The following CAPZB variants were observed in gnomAD, a reference collection of about 807,000 sequenced individuals.
The protein encoded by CAPZB is capping actin protein of muscle Z-line subunit beta.
In CAPZB, 2 loss-of-function variants were observed where a neutral mutation model predicts 38.1. That is an observed-to-expected ratio of 0.05 (90% CI 0.02 to 0.17). The LOEUF (loss-of-function observed/expected upper bound fraction) is 0.17. Ranked by LOEUF, CAPZB falls within the 10% of genes least tolerant of loss-of-function variation. CAPZB has a pLI of 1.00. For synonymous variants in CAPZB, 107 were observed against 127.4 expected, an observed-to-expected ratio of 0.84 and a Z score of 1.08; for missense variants, 161 against 334.2, an observed-to-expected ratio of 0.48 and a Z score of 4.04.
rs145348496 is a variant in CAPZB at position 19,414,411 on chromosome 1, C to T, written c.93+5250G>A. On this transcript the variant is annotated intron_variant, in intron 2 of 8. Transcript: ENST00000264202. The stretch of plus-strand genomic sequence containing the variant: ...CCGGTAAAAAATCAGGATGTCTCTT[C>T]CACCTTTACCTCACTGGCCTGGATA... 3.3e-5 allele frequency among the ~76,000 whole-genome samples: 5 copies of T among 152,312 alleles called. No homozygotes were observed. In the East Asian group the frequency reaches 9.6e-4, roughly 29 times the overall value.
At position 19,485,462 on chromosome 1, in the gene CAPZB, C is replaced by G. The variant is rs1206713885; in HGVS notation, c.-24G>C. 6.5e-6 allele frequency: 8 copies of G among 1,230,192 alleles called. No homozygotes were observed. Among genetic ancestry groups the G allele is most frequent in the East Asian group, 3.2e-5 (1 of 31,562 alleles). 76.2% of individuals were successfully genotyped at this position (1,230,192 alleles called of 1,614,324 possible). Reference sequence around the variant, plus strand: ...ATGGTGGCGGCGGCGGCGGCGGTCCCGGTCCCGGCGTCAGTGGCTCTCCCC... The same window carrying G: ...ATGGTGGCGGCGGCGGCGGCGGTCCGGGTCCCGGCGTCAGTGGCTCTCCCC... On this transcript the variant is annotated 5_prime_UTR_variant, in exon 1 of 9. Transcript: ENST00000264202.
chr1:19,377,976 C>T (rs1335228676), intron 4 of CAPZB, among the ~76,000 whole-genome samples: 1 of 152,236 alleles, frequency 6.6e-6, no homozygotes, highest in Non-Finnish European at 1.5e-5. Flanking sequence ...CTGAGAGCAG[C>T]TGGAGGCAGA....
intron 4 of CAPZB, among the ~76,000 whole-genome samples, chr1:19,369,780 C>T (rs1369497888): frequency 6.6e-6 from 1 of 152,232 alleles, no homozygotes; most frequent in South Asian, 2.1e-4. Flanking sequence ...CCCAACCAAA[C>T]CGTCCCTGCA....
rs908441773 is a variant in CAPZB, at chr1:19,449,248, T to G, written c.4-29498A>C. ...CCAGGACAACAGGAACAAAGTGGGG[T>G]CTTGACACTTGAAAATTCCGATGAC... On this transcript the variant is annotated intron_variant, in intron 1 of 8. Coordinates refer to ENST00000264202, the MANE Select transcript of CAPZB (RefSeq NM_004930.5). 5 of 1,087,550 alleles carry G rather than the reference T, an allele frequency of 4.6e-6. No homozygotes were observed. The African/African-American group carries it at 8.0e-5, about 17-fold the overall frequency. The allele number at this position is 1,087,550 out of a possible 1,614,324, so 67.4% of individuals were successfully genotyped here.
chr1:19,365,200 A>G (rs2094076837), intron 4 of CAPZB, among the ~76,000 whole-genome samples: 1 of 152,206 alleles, frequency 6.6e-6, no homozygotes, highest in Non-Finnish European at 1.5e-5. Context: ...GGACTTGAGA[A>G]CTTGGTAGAC....
In CAPZB at chr1:19,339,524, A is replaced by G. The variant is rs746286440; in HGVS notation, c.*6T>C. The G allele has an allele frequency of 6.2e-7, 1 of 1,605,606 alleles. No individual in the cohort carries two copies. The highest frequency in any genetic ancestry group is 2.2e-5 in the East Asian group (1 of 44,828). ...ACGGCGTGTCTGGTTAGCATGAAAC[A>G]GAGGTTTAGCATTGCTGCTTTCTCT... On this transcript the variant is annotated 3_prime_UTR_variant, in exon 9 of 9. Coordinates refer to ENST00000264202, the MANE Select transcript of CAPZB (RefSeq NM_004930.5).
chr1:19,440,126 A>T (rs1226620453), intron 1 of CAPZB, among the ~76,000 whole-genome samples: 5 of 152,230 alleles, frequency 3.3e-5, no homozygotes, highest in African/African-American at 7.2e-5. Flanking sequence ...AAATACCTTA[A>T]TACAAAATAC....
At chr1:19,445,306 G>A (rs751402848) in intron 1 of CAPZB, among the ~76,000 whole-genome samples, 29 of 150,930 alleles carry the variant, frequency 1.9e-4, no homozygotes, top group Non-Finnish European at 3.2e-4. Flanking sequence ...CAGAAGACTC[G>A]AACAAAAACC....
At chr1:19,405,669 G>C (rs1002275917) in intron 2 of CAPZB, among the ~76,000 whole-genome samples, 4 of 151,630 alleles carry the variant, frequency 2.6e-5, no homozygotes, top group Non-Finnish European at 1.5e-5. Flanking sequence ...TAGTAATTAA[G>C]AGTCCCAATA....
intron 2 of CAPZB, among the ~76,000 whole-genome samples, chr1:19,405,837 C>T (rs570725721): frequency 1.9e-4 from 29 of 152,234 alleles, no homozygotes; most frequent in Non-Finnish European, 3.2e-4. Context: ...AATTCGAGAG[C>T]TCGCCTGAAG....
chr1:19,453,808 A>G (rs181214313), intron 1 of CAPZB, among the ~76,000 whole-genome samples: 1 of 152,314 alleles, frequency 6.6e-6, no homozygotes, highest in Admixed American at 6.5e-5. Context: ...CCCTTTTACT[A>G]TGTGAATAGT....
intron 6 of CAPZB, among the ~76,000 whole-genome samples, chr1:19,350,769 C>T (rs959193603): frequency 6.6e-6 from 1 of 151,926 alleles, no homozygotes; most frequent in Non-Finnish European, 1.5e-5. Flanking sequence ...CACACTGCTG[C>T]CTCACCTGGC....
At chr1:19,424,073 A>G (rs1418331468) in intron 1 of CAPZB, among the ~76,000 whole-genome samples, 1 of 152,142 alleles carries the variant, frequency 6.6e-6, no homozygotes, top group Non-Finnish European at 1.5e-5. Flanking sequence ...CAGCCTCCCA[A>G]AGTGCTGGGT....
chr1:19,340,377 A>G (rs2093921372), intron 8 of CAPZB, among the ~76,000 whole-genome samples: 1 of 152,212 alleles, frequency 6.6e-6, no homozygotes, highest in African/African-American at 2.4e-5. Flanking sequence ...CAAATTCTGG[A>G]TTTGTGGGGA....
chr1:19,369,725 A>G lies in CAPZB; in HGVS notation c.329+8815T>C, dbSNP rs528646394. Among the ~76,000 whole-genome samples the G allele has an allele frequency of 1.5e-3, 226 of 152,338 alleles. 1 individual carries two copies. Among genetic ancestry groups the G allele is most frequent in the Non-Finnish European group, 2.5e-3 (170 of 68,036 alleles). On this transcript the variant is annotated intron_variant, in intron 4 of 8. Transcript: ENST00000264202. ...GGTCCTACCTCTAGGCAAGGAAATGAGAACACAGACCTCGCTGAAGGGACA... is the reference window on the plus strand; with the variant it reads ...GGTCCTACCTCTAGGCAAGGAAATGGGAACACAGACCTCGCTGAAGGGACA...
rs368022261 is a variant in CAPZB, at chr1:19,419,675, C to T, written c.79G>A (p.Asp27Asn). The change falls in exon 2 of 9, where the codon GAC (aspartate) becomes AAC (asparagine). Residue 27 changes from aspartate (D) to asparagine (N), a missense_variant. By Grantham distance (23) the Asp-to-Asn change is conservative. Coordinates refer to ENST00000264202, the MANE Select transcript of CAPZB (RefSeq NM_004930.5). ...PPQQIEKNLS[D>N]LIDLVPSLCE... ...GAGGCACGTACCAGGTCGATCAGGT[C>T]GCTGAGGTTTTTCTCGATTTGCTGG... The T allele has an allele frequency of 4.4e-6, 7 of 1,591,764 alleles. No individual in the cohort carries two copies. In the East Asian group the frequency reaches 6.8e-5, roughly 16 times the overall value.
At chr1:19,430,463 G>C (rs1236805435) in intron 1 of CAPZB, among the ~76,000 whole-genome samples, 1 of 152,172 alleles carries the variant, frequency 6.6e-6, no homozygotes, top group Non-Finnish European at 1.5e-5. Flanking sequence ...TTCCTTTGCA[G>C]AGATCAAAGC....
chr1:19,435,629 T>C (rs1166203757), intron 1 of CAPZB, among the ~76,000 whole-genome samples: 3 of 152,242 alleles, frequency 2.0e-5, no homozygotes, highest in Non-Finnish European at 4.4e-5. Flanking sequence ...TGCCAATATC[T>C]CATGTAATCT....
chr1:19,408,294 A>G (rs1406578824), intron 2 of CAPZB, among the ~76,000 whole-genome samples: 1 of 152,240 alleles, frequency 6.6e-6, no homozygotes, highest in African/African-American at 2.4e-5. Context: ...GCCAGCATCA[A>G]TTAAGTGCCT....
Sources: allele counts gnomAD v4.1 joint callset (sites outside exome capture counted in the v4.1 genomes callset), GRCh38; gene constraint gnomAD v4.1.1; transcripts MANE v1.5; gene names NCBI Gene and HGNC (gene_info 2026-07-23, HGNC 2026-07-21).